The following COL25A1 variants were observed in gnomAD, a reference collection of about 807,000 sequenced individuals.
The protein encoded by COL25A1 is collagen alpha-1(XXV) chain.
Under a neutral mutation model 128.4 loss-of-function variants are expected in COL25A1, and 103 were observed. The ratio of observed to expected loss-of-function variants is 0.80; its 90% CI spans 0.68 to 0.94. COL25A1 has a LOEUF of 0.94. COL25A1 is among the 40% of genes least tolerant of loss of function. The pLI is 0.00. For missense variants in COL25A1, 745 were observed against 840.0 expected (o/e 0.89, Z 1.40); for synonymous variants, 279 against 277.2 (o/e 1.01, Z -0.06).
chr4:109,108,624 T>C (rs1041568773), intron 3 of COL25A1, among the ~76,000 whole-genome samples: 4 of 152,228 alleles, frequency 2.6e-5, no homozygotes, highest in Admixed American at 1.3e-4. Flanking sequence ...CCACGATGGT[T>C]GAACTAGTTT....
intron 3 of COL25A1, among the ~76,000 whole-genome samples, chr4:109,166,896 C>A (rs563584758): frequency 2.0e-5 from 3 of 152,044 alleles, no homozygotes; most frequent in Non-Finnish European, 4.4e-5. Context: ...GATATTTCTA[C>A]GAGAGTTTCT....
chr4:109,034,111 T>A (rs1037587420), intron 5 of COL25A1, among the ~76,000 whole-genome samples: 1 of 152,128 alleles, frequency 6.6e-6, no homozygotes, highest in Non-Finnish European at 1.5e-5. Flanking sequence ...AATATTTAAA[T>A]AACAAAAATG....
intron 3 of COL25A1, among the ~76,000 whole-genome samples, chr4:109,146,054 T>C (rs902318792): frequency 2.6e-5 from 4 of 152,188 alleles, no homozygotes; most frequent in African/African-American, 9.6e-5. Flanking sequence ...TGTAACTTAA[T>C]ATAAACAATC....
At chr4:108,867,626 C>T (rs1038675521) in intron 20 of COL25A1, among the ~76,000 whole-genome samples, 6 of 152,168 alleles carry the variant, frequency 3.9e-5, no homozygotes, top group Admixed American at 6.5e-5. Context: ...AATGAGGGCC[C>T]TTCTGTCAGA....
chr4:109,185,002 T>C (rs933207854), intron 3 of COL25A1, among the ~76,000 whole-genome samples: 1 of 152,220 alleles, frequency 6.6e-6, no homozygotes, highest in African/African-American at 2.4e-5. Flanking sequence ...AAAGTTTCAC[T>C]AGCATAACTT....
chr4:109,128,375 T>C (rs1400083000), intron 3 of COL25A1, among the ~76,000 whole-genome samples: 1 of 152,148 alleles, frequency 6.6e-6, no homozygotes, highest in East Asian at 1.9e-4. Flanking sequence ...AATCTCAAAT[T>C]TTTAGACAAA....
intron 3 of COL25A1, among the ~76,000 whole-genome samples, chr4:109,207,456 G>C (rs977843828): frequency 1.3e-5 from 2 of 152,152 alleles, no homozygotes; most frequent in African/African-American, 2.4e-5. Context: ...TCTCACTCCT[G>C]ATGGCTTGTC....
At position 108,848,744 on chromosome 4, in the gene COL25A1, A is replaced by G; in HGVS notation, c.1434+15T>C. 6.4e-7 allele frequency: 1 copy of G among 1,553,810 alleles called. No individual in the cohort carries two copies. The highest frequency in any genetic ancestry group is 1.7e-4 in the Middle Eastern group (1 of 5,944). ...AATGATGCTTTAAATAATAGTATAC[A>G]TCTTTGAAAATTACCTGCTCTCCAT... On this transcript the variant is annotated intron_variant, in intron 27 of 37. Transcript: ENST00000399132.
chr4:109,187,048 T>A (rs954649825), intron 3 of COL25A1, among the ~76,000 whole-genome samples: 1 of 152,230 alleles, frequency 6.6e-6, no homozygotes, highest in Admixed American at 6.5e-5. Context: ...TGTTATTATT[T>A]TTCTATAAAA....
chr4:109,156,134 A>AT, intron 3 of COL25A1, among the ~76,000 whole-genome samples: 1 of 152,300 alleles, frequency 6.6e-6, no homozygotes, highest in South Asian at 2.1e-4. Context: ...AAGAATCCCA[A>AT]TTAGAACCAC....
intron 3 of COL25A1, among the ~76,000 whole-genome samples, chr4:109,064,732 T>C (rs911754477): frequency 6.6e-6 from 1 of 152,222 alleles, no homozygotes; most frequent in Non-Finnish European, 1.5e-5. Context: ...TGGAGCTCCA[T>C]GTTTCCTTCC....
At chr4:108,992,117 T>C (rs1367502036) in intron 6 of COL25A1, among the ~76,000 whole-genome samples, 1 of 152,176 alleles carries the variant, frequency 6.6e-6, no homozygotes, top group Admixed American at 6.5e-5. Flanking sequence ...TACTTGCTTG[T>C]GGTTTCTCTC....
At chr4:109,018,835 A>T (rs1757443936) in intron 5 of COL25A1, among the ~76,000 whole-genome samples, 1 of 152,222 alleles carries the variant, frequency 6.6e-6, no homozygotes, top group South Asian at 2.1e-4. Context: ...TATTTTCAAA[A>T]TGTAGGTTCT....
chr4:109,132,363 T>C (rs1769299267), intron 3 of COL25A1, among the ~76,000 whole-genome samples: 1 of 152,222 alleles, frequency 6.6e-6, no homozygotes. Flanking sequence ...ATACGCTTTC[T>C]AGAACTTACT....
chr4:109,001,072 C>T (rs914854464), intron 6 of COL25A1, among the ~76,000 whole-genome samples: 1 of 151,988 alleles, frequency 6.6e-6, no homozygotes, highest in Non-Finnish European at 1.5e-5. Flanking sequence ...GAAAACAGGC[C>T]AGATAAGAGG....
intron 3 of COL25A1, among the ~76,000 whole-genome samples, chr4:109,168,910 C>T (rs899327410): frequency 6.6e-6 from 1 of 152,128 alleles, no homozygotes; most frequent in Admixed American, 6.6e-5. Context: ...ACACATCGAG[C>T]AGCTTAGCAT....
chr4:109,237,326 G>T (rs1388812649), intron 3 of COL25A1, among the ~76,000 whole-genome samples: 2 of 152,020 alleles, frequency 1.3e-5, no homozygotes, highest in Non-Finnish European at 2.9e-5. Flanking sequence ...AGGGCAATTT[G>T]TCTCCATTCA....
At chr4:109,157,567 T>C (rs1772155140) in intron 3 of COL25A1, among the ~76,000 whole-genome samples, 1 of 152,172 alleles carries the variant, frequency 6.6e-6, no homozygotes, top group African/African-American at 2.4e-5. Context: ...TAATCATCTC[T>C]CCTGAAGAGA....
chr4:108,999,429 C>A (rs1309900503), intron 6 of COL25A1, among the ~76,000 whole-genome samples: 1 of 152,128 alleles, frequency 6.6e-6, no homozygotes, highest in Non-Finnish European at 1.5e-5. Flanking sequence ...CCATCTCACA[C>A]CAGTTAGAAT....
Sources: allele counts gnomAD v4.1 joint callset (sites outside exome capture counted in the v4.1 genomes callset), GRCh38; gene constraint gnomAD v4.1.1; transcripts MANE v1.5; gene names NCBI Gene and HGNC (gene_info 2026-07-23, HGNC 2026-07-21).